SOX6: variants seen among roughly 807,000 people sequenced by gnomAD.
SOX6 encodes the protein SRY-box transcription factor 6, also known as transcription factor SOX-6.
SOX6 carries 11 observed loss-of-function variants against 97.8 expected under a neutral mutation model. The observed-to-expected ratio is 0.11, with a 90% confidence interval of 0.07 to 0.19. SOX6 has a LOEUF of 0.19. Ranked by LOEUF, SOX6 falls within the 10% of genes least tolerant of loss-of-function variation. The probability of loss-of-function intolerance (pLI) is 1.00; values close to 1 mark genes in which losing one functional copy is unlikely to be tolerated. For synonymous variants in SOX6, 360 were observed against 371.4 expected, an observed-to-expected ratio of 0.97 and a Z score of 0.35; for missense variants, 810 against 1,039.5, an observed-to-expected ratio of 0.78 and a Z score of 3.04.
intron 1 of SOX6, among the ~76,000 whole-genome samples, chr11:16,467,542 AC>A (rs1860064937): frequency 6.6e-6 from 1 of 152,184 alleles, no homozygotes; most frequent in African/African-American, 2.4e-5. Flanking sequence ...GAAACAGAAA[AC>A]CAAATACCAC....
chr11:16,356,131 C>G lies in SOX6; in HGVS notation c.-42G>C, dbSNP rs1259657745. 6.6e-6 allele frequency among the ~76,000 whole-genome samples: 1 copy of G among 151,698 alleles called. No individual in the cohort carries two copies. The highest frequency in any genetic ancestry group is 6.6e-5 in the Admixed American group (1 of 15,168). ...CTCTTCCACTCTTCAATCCGGCTTT[C>G]TCTTACCACATCAGCCAGAACTTCA... On this transcript the variant is annotated 5_prime_UTR_variant, in exon 1 of 16. Transcript: ENST00000683767.
In SOX6 at chr11:16,318,633, T is replaced by C. The variant is rs771242550; in HGVS notation, c.258A>G (p.Leu86=). The C allele has an allele frequency of 3.2e-5, 52 of 1,612,758 alleles. No individual in the cohort carries two copies. Among genetic ancestry groups the C allele is most frequent in the Non-Finnish European group, 4.2e-5 (49 of 1,179,114 alleles). ...QQRMESENNK[L]CSLYSFRNTS... Reference sequence around the variant, plus strand: ...TATTTCGGAAGGAATATAGGGAACATAACTTATTATTCTCTGATTCCTAGA... The same window carrying C: ...TATTTCGGAAGGAATATAGGGAACACAACTTATTATTCTCTGATTCCTAGA... Residue 86 remains leucine, a synonymous_variant, in exon 3 of 16, where the codon TTA becomes TTG. Transcript: ENST00000683767.
At chr11:16,195,893 G>T (rs1267160891) in intron 4 of SOX6, among the ~76,000 whole-genome samples, 1 of 152,170 alleles carries the variant, frequency 6.6e-6, no homozygotes, top group Non-Finnish European at 1.5e-5. Flanking sequence ...GTAGGCTGAG[G>T]CTGTCAGGTT....
chr11:16,212,358 T>C (rs1852255762), intron 4 of SOX6, among the ~76,000 whole-genome samples: 2 of 152,140 alleles, frequency 1.3e-5, no homozygotes, highest in South Asian at 4.1e-4. Flanking sequence ...ATTACATACA[T>C]ATGAGTTTAT....
chr11:16,530,009 G>C (rs1198596710), intron 4 of SOX6, among the ~76,000 whole-genome samples: 1 of 151,850 alleles, frequency 6.6e-6, no homozygotes, highest in African/African-American at 2.4e-5. Context: ...ATGAAACACA[G>C]CATAAAATCT....
intron 4 of SOX6, among the ~76,000 whole-genome samples, chr11:16,500,474 G>A (rs930679913): frequency 6.6e-6 from 1 of 152,170 alleles, no homozygotes; most frequent in Non-Finnish European, 1.5e-5. Flanking sequence ...AATCAGGCAG[G>A]AGAAGGAAAT....
chr11:16,164,719 A>G (rs1189560127), intron 6 of SOX6, among the ~76,000 whole-genome samples: 1 of 151,806 alleles, frequency 6.6e-6, no homozygotes, highest in African/African-American at 2.4e-5. Flanking sequence ...GCTACTTGGG[A>G]GGCTAAGGCA....
chr11:16,327,362 C>T (rs1365023126), intron 2 of SOX6, among the ~76,000 whole-genome samples: 3 of 151,822 alleles, frequency 2.0e-5, no homozygotes, highest in Admixed American at 1.3e-4. Flanking sequence ...TTTCTATTTT[C>T]AATTCTGAAA....
intron 13 of SOX6, among the ~76,000 whole-genome samples, chr11:15,991,904 C>A (rs2119820914): frequency 6.6e-6 from 1 of 152,280 alleles, no homozygotes; most frequent in South Asian, 2.1e-4. Flanking sequence ...ATCCTTCCTA[C>A]TCTCTTCTAC....
chr11:16,334,182 CACA>C (rs1856391974), intron 2 of SOX6, among the ~76,000 whole-genome samples: 1 of 151,674 alleles, frequency 6.6e-6, no homozygotes, highest in Non-Finnish European at 1.5e-5. Flanking sequence ...ATTCTGAATA[CACA>C]ACTTCACTGA....
intron 6 of SOX6, among the ~76,000 whole-genome samples, chr11:16,166,199 A>C (rs190875683): frequency 6.6e-6 from 1 of 152,228 alleles, no homozygotes; most frequent in East Asian, 1.9e-4. Context: ...TGTTTATTTC[A>C]CCCACATTAC....
intron 3 of SOX6, among the ~76,000 whole-genome samples, chr11:16,253,409 G>T (rs1413108193): frequency 6.6e-6 from 1 of 151,984 alleles, no homozygotes; most frequent in African/African-American, 2.4e-5. Flanking sequence ...GTCCTATGAG[G>T]AATGTTTAGA....
At chr11:16,275,443 G>A (rs904632600) in intron 3 of SOX6, among the ~76,000 whole-genome samples, 4 of 152,048 alleles carry the variant, frequency 2.6e-5, no homozygotes, top group African/African-American at 9.7e-5. Flanking sequence ...GCGAAAGAGC[G>A]AGACTCAGTC....
chr11:16,154,642 G>C (rs564954890), intron 6 of SOX6, among the ~76,000 whole-genome samples: 18 of 151,582 alleles, frequency 1.2e-4, no homozygotes, highest in African/African-American at 4.4e-4. Flanking sequence ...TTTTAAAGCC[G>C]TTTAATATTT....
intron 2 of SOX6, among the ~76,000 whole-genome samples, chr11:16,730,031 T>A (rs1848337108): frequency 6.8e-6 from 1 of 147,076 alleles, no homozygotes; most frequent in Non-Finnish European, 1.5e-5. Context: ...CTATCCTAAA[T>A]ATATATATAT....
chr11:16,213,149 G>C (rs1852273527), intron 4 of SOX6, among the ~76,000 whole-genome samples: 1 of 151,918 alleles, frequency 6.6e-6, no homozygotes, highest in East Asian at 1.9e-4. Flanking sequence ...CATGGAGCTG[G>C]ATACTAGGAA....
chr11:16,393,198 G>C (rs1858237022), intron 1 of SOX6, among the ~76,000 whole-genome samples: 1 of 151,956 alleles, frequency 6.6e-6, no homozygotes, highest in Admixed American at 6.6e-5. Context: ...ATTCTCCTAA[G>C]ATTTCTGTTT....
At chr11:16,660,949 T>C (rs946094788) in intron 3 of SOX6, among the ~76,000 whole-genome samples, 1 of 152,240 alleles carries the variant, frequency 6.6e-6, no homozygotes, top group Non-Finnish European at 1.5e-5. Context: ...ACTAAGACAA[T>C]GTCAATTAGA....
chr11:16,653,682 G>A (rs1847684770), intron 3 of SOX6, among the ~76,000 whole-genome samples: 1 of 152,068 alleles, frequency 6.6e-6, no homozygotes, highest in Non-Finnish European at 1.5e-5. Context: ...TACACTGCTT[G>A]GGTGATGGGT....
Sources: allele counts gnomAD v4.1 joint callset (sites outside exome capture counted in the v4.1 genomes callset), GRCh38; gene constraint gnomAD v4.1.1; transcripts MANE v1.5; gene names NCBI Gene and HGNC (gene_info 2026-07-23, HGNC 2026-07-21).